BCL2: variants seen among roughly 807,000 people sequenced by gnomAD.
The protein encoded by BCL2 is apoptosis regulator Bcl-2.
BCL2 carries 1 observed loss-of-function variant against 14.2 expected under a neutral mutation model. The ratio of observed to expected loss-of-function variants is 0.07; its 90% CI spans 0.02 to 0.33. BCL2 has a LOEUF of 0.33. Among genes scored for constraint, BCL2 ranks in the 10% least tolerant of loss-of-function variants. The probability of loss-of-function intolerance (pLI) is 0.99; values close to 1 mark genes in which losing one functional copy is unlikely to be tolerated. For missense variants in BCL2, 247 were observed against 305.9 expected, an observed-to-expected ratio of 0.81 and a Z score of 1.44; for synonymous variants, 151 against 137.2, an observed-to-expected ratio of 1.10 and a Z score of -0.70.
At position 63,128,311 on chromosome 18, in the gene BCL2, G is replaced by A. The variant is rs1913967881; in HGVS notation, c.*314C>T. 1 of 265,408 alleles carries A rather than the reference G, an allele frequency of 3.8e-6. No homozygotes were observed. Among genetic ancestry groups the A allele is most frequent in the Admixed American group, 5.2e-5 (1 of 19,072 alleles). 16.4% of individuals were successfully genotyped at this position (265,408 alleles called of 1,614,324 possible). A position where few individuals can be genotyped will look rare whatever the true frequency, so the allele number is the denominator to read the frequency against. On this transcript the variant is annotated 3_prime_UTR_variant, in exon 3 of 3. Transcript: ENST00000333681. The stretch of plus-strand genomic sequence containing the variant: ...GGTGGAGCCACACGAAGCGGTGCTT[G>A]GCAATTAGTGGTCGGATTTCCAAAG...
intron 2 of BCL2, among the ~76,000 whole-genome samples, chr18:63,162,062 G>A (rs868684514): frequency 8.5e-5 from 13 of 152,134 alleles, no homozygotes; most frequent in South Asian, 4.1e-4. Flanking sequence ...GGGAGGGAAC[G>A]ATGTCAGACA....
intron 2 of BCL2, among the ~76,000 whole-genome samples, chr18:63,292,347 T>G (rs1426060553): frequency 6.6e-6 from 1 of 152,146 alleles, no homozygotes; most frequent in East Asian, 1.9e-4. Context: ...GAATAATGAT[T>G]AATAACAAGT....
At chr18:63,314,431 C>G (rs569476030) in intron 2 of BCL2, 2 of 152,334 alleles carry the variant, frequency 1.3e-5, no homozygotes, top group African/African-American at 4.8e-5. Flanking sequence ...CTGAACTCTA[C>G]CGGGTGTGGA....
chr18:63,198,177 TAC>T (rs113352488), intron 2 of BCL2, among the ~76,000 whole-genome samples: 5,053 of 139,862 alleles, frequency 0.036, 80 homozygotes, highest in South Asian at 0.083. Context: ...CACACAGACA[TAC>T]ACACACACAC....
At chr18:63,276,770 G>C (rs1912165004) in intron 2 of BCL2, among the ~76,000 whole-genome samples, 1 of 152,190 alleles carries the variant, frequency 6.6e-6, no homozygotes, top group South Asian at 2.1e-4. Flanking sequence ...CTACAAGTGG[G>C]TGCAAAACAT....
At chr18:63,229,457 A>T (rs1275609645) in intron 2 of BCL2, among the ~76,000 whole-genome samples, 3 of 152,294 alleles carry the variant, frequency 2.0e-5, no homozygotes, top group African/African-American at 7.2e-5. Context: ...ATGCTGAAGG[A>T]GGAGGTGACT....
chr18:63,154,014 C>T (rs929266488), intron 2 of BCL2, among the ~76,000 whole-genome samples: 2 of 152,180 alleles, frequency 1.3e-5, no homozygotes, highest in African/African-American at 2.4e-5. Context: ...GAACCTCAAA[C>T]CCTAGTTTGC....
At chr18:63,252,723 G>A (rs148777964) in intron 2 of BCL2, among the ~76,000 whole-genome samples, 37 of 152,280 alleles carry the variant, frequency 2.4e-4, no homozygotes, top group African/African-American at 8.4e-4. Flanking sequence ...CCAGCCACGT[G>A]GAACTGTATG....
At chr18:63,142,748 G>A (rs1287701621) in intron 2 of BCL2, among the ~76,000 whole-genome samples, 2 of 152,204 alleles carry the variant, frequency 1.3e-5, no homozygotes, top group Admixed American at 6.5e-5. Context: ...GCTGACGGAT[G>A]GTGGTGAACT....
At chr18:63,227,224 ATTC>A (rs1169806845) in intron 2 of BCL2, among the ~76,000 whole-genome samples, 1 of 152,250 alleles carries the variant, frequency 6.6e-6, no homozygotes, top group Non-Finnish European at 1.5e-5. Context: ...AAAAATTATT[ATTC>A]AAGACCAAGA....
At chr18:63,174,068 A>C (rs957940150) in intron 2 of BCL2, among the ~76,000 whole-genome samples, 2 of 152,240 alleles carry the variant, frequency 1.3e-5, no homozygotes, top group African/African-American at 4.8e-5. Flanking sequence ...TAATTTAATT[A>C]TCAAAGGATG....
In BCL2 at chr18:63,197,886, T is replaced by C. The variant is rs111396185; in HGVS notation, c.586-69127A>G. On this transcript the variant is annotated intron_variant, in intron 2 of 2. Transcript: ENST00000333681. Reference sequence around the variant, plus strand: ...GGGAGTGGAGAGTAGAAAAGAAATATAAAACAAACAGAGACTCCAGTTAAA... The same window carrying C: ...GGGAGTGGAGAGTAGAAAAGAAATACAAAACAAACAGAGACTCCAGTTAAA... Among the ~76,000 whole-genome samples, 127 of 152,222 alleles carry C rather than the reference T, an allele frequency of 8.3e-4. 1 individual carries two copies. The highest frequency in any genetic ancestry group is 1.6e-3 in the Admixed American group (24 of 15,292).
chr18:63,284,511 A>C (rs1229143594), intron 2 of BCL2, among the ~76,000 whole-genome samples: 1 of 152,194 alleles, frequency 6.6e-6, no homozygotes, highest in African/African-American at 2.4e-5. Context: ...TCCTGGGGTT[A>C]TTTGAAACAA....
chr18:63,150,033 G>A (rs62100179), intron 2 of BCL2, among the ~76,000 whole-genome samples: 25,210 of 151,934 alleles, frequency 0.17, 2,457 homozygotes, highest in Non-Finnish European at 0.22. Context: ...GGCACCCACC[G>A]CCATGCCTGG....
intron 2 of BCL2, among the ~76,000 whole-genome samples, chr18:63,223,278 T>C (rs970113829): frequency 1.3e-5 from 2 of 151,970 alleles, no homozygotes; most frequent in African/African-American, 4.8e-5. Context: ...CGGGCACCTG[T>C]AGTCCCAGCT....
chr18:63,295,881 A>T lies in BCL2; in HGVS notation c.585+22201T>A, dbSNP rs926311056. Among the ~76,000 whole-genome samples the T allele has an allele frequency of 9.9e-5, 15 of 152,206 alleles. 1 individual carries two copies. Among genetic ancestry groups the T allele is most frequent in the East Asian group, 5.8e-4 (3 of 5,174 alleles). On this transcript the variant is annotated intron_variant, in intron 2 of 2. Coordinates refer to ENST00000333681, the MANE Select transcript of BCL2 (RefSeq NM_000633.3). ...GTCTCAGGATTTTCTGACAGGTGGG[A>T]TCCACCAACCTTGCTCCACGCTGCC...
chr18:63,134,072 C>T (rs1017264736), intron 2 of BCL2, among the ~76,000 whole-genome samples: 6 of 151,932 alleles, frequency 3.9e-5, no homozygotes, highest in Non-Finnish European at 5.9e-5. Context: ...TATACATGTG[C>T]GCGTTTACAA....
intron 2 of BCL2, among the ~76,000 whole-genome samples, chr18:63,259,708 C>T (rs1911598831): frequency 6.6e-6 from 1 of 152,230 alleles, no homozygotes; most frequent in African/African-American, 2.4e-5. Flanking sequence ...TTCCATATTG[C>T]AGGGGGCAAG....
intron 2 of BCL2, among the ~76,000 whole-genome samples, chr18:63,218,933 T>C (rs188514466): frequency 8.2e-4 from 125 of 152,280 alleles, no homozygotes; most frequent in Non-Finnish European, 1.4e-3. Flanking sequence ...CTCCTGCCTT[T>C]ATATCTCTCC....
Sources: allele counts gnomAD v4.1 joint callset (sites outside exome capture counted in the v4.1 genomes callset), GRCh38; gene constraint gnomAD v4.1.1; transcripts MANE v1.5; gene names NCBI Gene and HGNC (gene_info 2026-07-23, HGNC 2026-07-21).